The following SLC24A2 variants were observed in gnomAD, a reference collection of about 807,000 sequenced individuals.
SLC24A2 encodes sodium/potassium/calcium exchanger 2.
Under a neutral mutation model 62.0 loss-of-function variants are expected in SLC24A2, and 36 were observed. That is an observed-to-expected ratio of 0.58 (90% CI 0.44 to 0.77). The LOEUF is 0.77. Ranked by LOEUF, SLC24A2 falls within the 30% of genes least tolerant of loss-of-function variation. The probability of loss-of-function intolerance (pLI) is 0.00; values close to 1 mark genes in which losing one functional copy is unlikely to be tolerated. For synonymous variants in SLC24A2, 358 were observed against 294.0 expected (o/e 1.22, Z -2.23); for missense variants, 846 against 817.9 (o/e 1.03, Z -0.42).
chr9:19,658,912 G>A (rs1433893510), intron 2 of SLC24A2, among the ~76,000 whole-genome samples: 1 of 152,172 alleles, frequency 6.6e-6, no homozygotes, highest in Non-Finnish European at 1.5e-5. Context: ...TCTCTCCCTT[G>A]AACCTTCACG....
the SLC24A2 span, among the ~76,000 whole-genome samples, chr9:20,020,447 C>T: frequency 2.0e-5 from 3 of 152,156 alleles, no homozygotes; most frequent in Admixed American, 1.3e-4. Flanking sequence ...TGGAAACTAT[C>T]ATTCTCAGCA....
At chr9:19,732,393 C>T (rs1821366415) in intron 2 of SLC24A2, among the ~76,000 whole-genome samples, 1 of 152,166 alleles carries the variant, frequency 6.6e-6, no homozygotes, top group African/African-American at 2.4e-5. Context: ...ACTAGCAATA[C>T]TGGCTATTAA....
chr9:19,699,356 T>C (rs1820290096), intron 2 of SLC24A2, among the ~76,000 whole-genome samples: 1 of 152,154 alleles, frequency 6.6e-6, no homozygotes, highest in Admixed American at 6.5e-5. Flanking sequence ...AATGGAGAAA[T>C]TGCCCCTCTC....
chr9:19,815,892 A>T, the SLC24A2 span, among the ~76,000 whole-genome samples: 3 of 151,444 alleles, frequency 2.0e-5, no homozygotes, highest in African/African-American at 7.3e-5. Context: ...GTAATGGAGT[A>T]TAAGTATTAA....
the SLC24A2 span, among the ~76,000 whole-genome samples, chr9:19,841,245 A>G: frequency 6.6e-6 from 1 of 152,266 alleles, no homozygotes; most frequent in Non-Finnish European, 1.5e-5. Context: ...CAGATATAAC[A>G]TTATATGTCA....
chr9:20,132,702 C>A, the SLC24A2 span, among the ~76,000 whole-genome samples: 1 of 152,026 alleles, frequency 6.6e-6, no homozygotes, highest in Non-Finnish European at 1.5e-5. Flanking sequence ...GTTTCATACA[C>A]AGAAAGGATT....
chr9:20,111,395 C>T, the SLC24A2 span, among the ~76,000 whole-genome samples: 1 of 152,146 alleles, frequency 6.6e-6, no homozygotes, highest in South Asian at 2.1e-4. Context: ...GGTTAGTGCC[C>T]TCTCCAGGTG....
At chr9:20,204,396 C>G in the SLC24A2 span, among the ~76,000 whole-genome samples, 2 of 152,176 alleles carry the variant, frequency 1.3e-5, no homozygotes, top group African/African-American at 4.8e-5. Flanking sequence ...ACAAGCATGG[C>G]TATTTTGCTT....
chr9:19,864,611 GA>G, the SLC24A2 span, among the ~76,000 whole-genome samples: 1 of 152,020 alleles, frequency 6.6e-6, no homozygotes, highest in Non-Finnish European at 1.5e-5. Context: ...TTCATTTGAT[GA>G]AAAGGCATTT....
the SLC24A2 span, among the ~76,000 whole-genome samples, chr9:20,225,967 C>T: frequency 2.0e-5 from 3 of 151,796 alleles, no homozygotes; most frequent in Non-Finnish European, 2.9e-5. Context: ...GAAGAATGAA[C>T]AAAAGGAAAG....
At chr9:19,577,245 G>C (rs1836046239) in intron 5 of SLC24A2, among the ~76,000 whole-genome samples, 1 of 151,954 alleles carries the variant, frequency 6.6e-6, no homozygotes, top group Non-Finnish European at 1.5e-5. Context: ...CTTCCCAGTT[G>C]CTCACAAAAT....
chr9:19,727,099 T>A (rs1212066481), intron 2 of SLC24A2, among the ~76,000 whole-genome samples: 1 of 152,164 alleles, frequency 6.6e-6, no homozygotes, highest in Non-Finnish European at 1.5e-5. Context: ...ACCTTATTTA[T>A]CAGGAAAGAA....
chr9:20,243,257 C>A, the SLC24A2 span, among the ~76,000 whole-genome samples: 1 of 152,126 alleles, frequency 6.6e-6, no homozygotes, highest in African/African-American at 2.4e-5. Context: ...TTGGCATCTG[C>A]TGTATTTCAA....
chr9:20,240,346 C>T, the SLC24A2 span, among the ~76,000 whole-genome samples: 38 of 152,300 alleles, frequency 2.5e-4, no homozygotes, highest in African/African-American at 8.9e-4. Flanking sequence ...ACAAAGGGAA[C>T]CCAAGGAAGC....
At chr9:19,799,393 G>A in the SLC24A2 span, among the ~76,000 whole-genome samples, 1 of 151,956 alleles carries the variant, frequency 6.6e-6, no homozygotes, top group Non-Finnish European at 1.5e-5. Context: ...TTCTTTCAAC[G>A]CCTGCCACGT....
chr9:20,136,144 G>A, the SLC24A2 span, among the ~76,000 whole-genome samples: 2 of 152,118 alleles, frequency 1.3e-5, no homozygotes, highest in South Asian at 2.1e-4. Flanking sequence ...ACTCAATAAC[G>A]CTGGTTAGTT....
chr9:20,179,197 C>T, the SLC24A2 span, among the ~76,000 whole-genome samples: 1 of 151,986 alleles, frequency 6.6e-6, no homozygotes, highest in Admixed American at 6.6e-5. Flanking sequence ...CTCTTGGGGC[C>T]CAAGGGGACT....
At chr9:19,718,639 T>C (rs1820937305) in intron 2 of SLC24A2, among the ~76,000 whole-genome samples, 1 of 152,076 alleles carries the variant, frequency 6.6e-6, no homozygotes, top group African/African-American at 2.4e-5. Context: ...CATCACACGT[T>C]ACTTTGACTG....
chr9:20,118,202 C>G, the SLC24A2 span, among the ~76,000 whole-genome samples: 3 of 151,990 alleles, frequency 2.0e-5, no homozygotes, highest in African/African-American at 7.2e-5. Flanking sequence ...AAGAAACTTC[C>G]TCTTTAATTA....
Sources: gnomAD v4.1 joint callset for allele counts (sites outside exome capture counted in the v4.1 genomes callset) on GRCh38, gnomAD v4.1.1 for gene constraint, MANE v1.5 for transcripts, NCBI Gene and HGNC (gene_info 2026-07-23, HGNC 2026-07-21) for gene names.